PRPF19: variants seen among roughly 807,000 people sequenced by gnomAD.
PRPF19 encodes the protein pre-mRNA processing factor 19, also known as pre-mRNA-processing factor 19.
PRPF19 carries 2 observed loss-of-function variants against 64.2 expected under a neutral mutation model. That is an observed-to-expected ratio of 0.03 (90% CI 0.01 to 0.10). The LOEUF is 0.10. PRPF19 is among the 10% of genes least tolerant of loss of function. The pLI is 1.00. For missense variants in PRPF19, 314 were observed against 650.0 expected, an observed-to-expected ratio of 0.48 and a Z score of 5.62; for synonymous variants, 226 against 251.6, an observed-to-expected ratio of 0.90 and a Z score of 0.96.
Position 60,897,773 on chromosome 11 carries a change from T to C in PRPF19, c.1417+73A>G, listed in dbSNP as rs1855937583. ...GTAAATTCATGCAAGCCCTAGAAAT[T>C]CCTAACCCAGTGAGGCTTCCCTCCG... On this transcript the variant is annotated intron_variant, in intron 15 of 15. Coordinates refer to ENST00000227524, the MANE Select transcript of PRPF19 (RefSeq NM_014502.5). 7 of 1,298,242 alleles carry C rather than the reference T, an allele frequency of 5.4e-6. No individual in the cohort carries two copies. In the Admixed American group the frequency reaches 1.4e-4, roughly 26 times the overall value. 80.4% of individuals were successfully genotyped at this position (1,298,242 alleles called of 1,614,324 possible).
intron 15 of PRPF19, 71 bp from the exon 16 acceptor site, chr11:60,891,334 A>T: frequency 1.8e-6 from 2 of 1,135,474 alleles, no homozygotes; most frequent in Non-Finnish European, 2.6e-6. Context: ...ATCCCTAATA[A>T]CAGATTCCCA....
Position 60,906,413 on chromosome 11 carries a change from C to A in PRPF19, c.-31G>T. 6.4e-7 allele frequency: 1 copy of A among 1,552,864 alleles called. No homozygotes were observed. Among genetic ancestry groups the A allele is most frequent in the Non-Finnish European group, 8.7e-7 (1 of 1,151,350 alleles). ...CGTCACCGTGCTCCGAGGCGCCACA[C>A]GCCGGGCTCCGGGACTAGCTTCTGA... On this transcript the variant is annotated 5_prime_UTR_variant, in exon 1 of 16. Coordinates refer to ENST00000227524, the MANE Select transcript of PRPF19 (RefSeq NM_014502.5).
Position 60,902,335 on chromosome 11 carries a change from T to C in PRPF19, c.525+68A>G. ...AAAAGCACAGTGATTTTAGTCACGA[T>C]GGACTCCAGACAGATGGTGAAAAGT... On this transcript the variant is annotated intron_variant, in intron 6 of 15. Coordinates refer to ENST00000227524, the MANE Select transcript of PRPF19 (RefSeq NM_014502.5). The surrounding 1 kb of genome is among the most constrained non-coding windows in gnomAD (Gnocchi z 5.0). 6.5e-7 allele frequency: 1 copy of C among 1,528,094 alleles called. No individual in the cohort carries two copies. The highest frequency in any genetic ancestry group is 9.0e-7 in the Non-Finnish European group (1 of 1,105,086). The allele number at this position is 1,528,094 out of a possible 1,614,324, so 94.7% of individuals were successfully genotyped here.
chr11:60,893,270 TC>T (rs1174833620), intron 15 of PRPF19, among the ~76,000 whole-genome samples: 1 of 151,558 alleles, frequency 6.6e-6, no homozygotes, highest in Non-Finnish European at 1.5e-5. Context: ...GGTGGGCAGA[TC>T]ACGAGGTCAG....
intron 15 of PRPF19, among the ~76,000 whole-genome samples, chr11:60,893,739 GA>G (rs1381204790): frequency 6.6e-6 from 1 of 152,158 alleles, no homozygotes; most frequent in Admixed American, 6.5e-5. Context: ...TGGATCGCTT[GA>G]GTTCAGGAAT....
Position 60,891,101 on chromosome 11 carries a change from C to T in PRPF19, c.*65G>A, listed in dbSNP as rs1252987524. ...CCCCCATAGATTCCCCCCACCCCCC[C>T]CCCCAAACCCTAATTCTACCCCTCT... On this transcript the variant is annotated 3_prime_UTR_variant, in exon 16 of 16. Coordinates refer to ENST00000227524, the MANE Select transcript of PRPF19 (RefSeq NM_014502.5). The T allele has an allele frequency of 3.3e-4, 148 of 447,140 alleles. 5 individuals are homozygous for T. The East Asian group carries it at 6.4e-3, about 19-fold the overall frequency. The allele number at this position is 447,140 out of a possible 1,614,324, so 27.7% of individuals were successfully genotyped here. A position where few individuals can be genotyped will look rare whatever the true frequency, so the allele number is the denominator to read the frequency against.
rs763832101 is a variant in PRPF19, at chr11:60,897,909, G to A, written c.1354C>T (p.Leu452Phe). 1.2e-5 allele frequency: 20 copies of A among 1,613,992 alleles called. No individual in the cohort carries two copies. The South Asian group carries it at 2.1e-4, about 17-fold the overall frequency. ...TAGATCTGGACATCCGTGCCCCCAA[G>A]AGCCAGGTAGGTACCACTCTGGTCA... ...IFDQSGTYLA[L>F]GGTDVQIYIC... The change falls in exon 15 of 16, where the codon CTT becomes TTT. Residue 452 changes from leucine to phenylalanine, a missense_variant. By Grantham distance (22) the Leu-to-Phe change is conservative. Around this residue, in one of 7 missense-constraint regions of PRPF19, gnomAD observed 47 missense variants for 94.5 expected, o/e 0.50. Transcript: ENST00000227524.
chr11:60,901,594 C>A lies in PRPF19; in HGVS notation c.526-54G>T, dbSNP rs150922647. On this transcript the variant is annotated intron_variant, in intron 6 of 15. Transcript: ENST00000227524. ...AAATCATCTTGCAAGGAGAAAAGTA[C>A]ATTAGATGCTGGTCACACCTGTGCT... is the stretch of plus-strand genomic sequence containing the variant. The A allele has an allele frequency of 6.2e-6, 10 of 1,601,240 alleles. No homozygotes were observed. In the Admixed American group the frequency reaches 1.5e-4, roughly 24 times the overall value.
rs752566353 is a variant in PRPF19 at position 60,897,899 on chromosome 11, G to T, written c.1364C>A (p.Thr455Lys). 6.2e-7 allele frequency: 1 copy of T among 1,614,194 alleles called. No individual in the cohort carries two copies. The highest frequency in any genetic ancestry group is 1.1e-5 in the South Asian group (1 of 91,080). ...TTTGCAGATGTAGATCTGGACATCC[G>T]TGCCCCCAAGAGCCAGGTAGGTACC... Reference protein sequence around the residue: ...QSGTYLALGGTDVQIYICKQW... With the variant: ...QSGTYLALGGKDVQIYICKQW... Residue 455 changes from threonine to lysine, a missense_variant, in exon 15 of 16, where the codon ACG (threonine) becomes AAG (lysine). This residue lies in a region of PRPF19 where 47 missense variants were observed against 94.5 expected (regional missense o/e 0.50). Transcript: ENST00000227524.
intron 3 of PRPF19, among the ~76,000 whole-genome samples, chr11:60,903,232 G>C (rs1425760923): frequency 2.0e-5 from 3 of 152,170 alleles, no homozygotes; most frequent in Non-Finnish European, 4.4e-5. Context: ...CACTGTGCCA[G>C]ACAGTCCTGC....
intron 15 of PRPF19, among the ~76,000 whole-genome samples, chr11:60,893,182 C>T (rs1479577870): frequency 6.6e-6 from 1 of 152,196 alleles, no homozygotes; most frequent in Non-Finnish European, 1.5e-5. Context: ...AAATCTACTA[C>T]ACTGCCAGTT....
rs1856049415 is a variant in PRPF19, at chr11:60,906,445, G to A, written c.-63C>T. ...CTCCGGGACTAGCTTCTGAGCCTCC[G>A]CGAGCCACTTCCGGTCCCCCGCTGC... On this transcript the variant is annotated 5_prime_UTR_variant, in exon 1 of 16. Coordinates refer to ENST00000227524, the MANE Select transcript of PRPF19 (RefSeq NM_014502.5). 14 of 1,478,730 alleles carry A rather than the reference G, an allele frequency of 9.5e-6. No individual in the cohort carries two copies. Among genetic ancestry groups the A allele is most frequent in the Non-Finnish European group, 1.3e-5 (14 of 1,104,492 alleles). 91.6% of individuals were successfully genotyped at this position (1,478,730 alleles called of 1,614,324 possible).
At chr11:60,901,732 A>G (rs1855986251) in intron 6 of PRPF19, among the ~76,000 whole-genome samples, 192 bp from the exon 7 acceptor site, 1 of 152,174 alleles carries the variant, frequency 6.6e-6, no homozygotes, top group Non-Finnish European at 1.5e-5. Context: ...TGATGACCTT[A>G]TTTTACAGCT....
chr11:60,897,475 T>C (rs963764781), intron 15 of PRPF19: 13 of 191,654 alleles, frequency 6.8e-5, no homozygotes, highest in Non-Finnish European at 1.3e-4. Flanking sequence ...GCTTCAATCA[T>C]CTGACCCTTC....
At position 60,890,724 on chromosome 11, in the gene PRPF19, T is replaced by C. The variant is rs1035629483; in HGVS notation, c.*442A>G. 9 of 455,590 alleles carry C rather than the reference T, an allele frequency of 2.0e-5. No individual in the cohort carries two copies. Among genetic ancestry groups the C allele is most frequent in the Non-Finnish European group, 3.5e-5 (8 of 226,870 alleles). The allele number at this position is 455,590 out of a possible 1,614,324, so 28.2% of individuals were successfully genotyped here. A position where few individuals can be genotyped will look rare whatever the true frequency, so the allele number is the denominator to read the frequency against. Reference sequence around the variant, plus strand: ...GGTGCAGACAGACACGGGGAGGTGGTTATGGTTATTGTTTTCTTTTTTTAA... The same window carrying C: ...GGTGCAGACAGACACGGGGAGGTGGCTATGGTTATTGTTTTCTTTTTTTAA... On this transcript the variant is annotated 3_prime_UTR_variant, in exon 16 of 16. Coordinates refer to ENST00000227524, the MANE Select transcript of PRPF19 (RefSeq NM_014502.5).
chr11:60,905,808 C>T (rs542361682), intron 1 of PRPF19, among the ~76,000 whole-genome samples: 2 of 152,380 alleles, frequency 1.3e-5, no homozygotes, highest in East Asian at 3.9e-4. Flanking sequence ...TAAATGTGCG[C>T]TGTTTTTATT....
chr11:60,897,843 T>C lies in PRPF19; in HGVS notation c.1417+3A>G. On this transcript the variant is annotated splice_donor_region_variant and intron_variant, in intron 15 of 15. Coordinates refer to ENST00000227524, the MANE Select transcript of PRPF19 (RefSeq NM_014502.5). ...ATCCCAGGAGCCCAGGACCAGCCTC[T>C]ACCTGTAAAGTGAAGAATCTCCGTC... 1.2e-6 allele frequency: 2 copies of C among 1,613,718 alleles called. No homozygotes were observed. Among genetic ancestry groups the C allele is most frequent in the Non-Finnish European group, 1.7e-6 (2 of 1,179,630 alleles).
intron 15 of PRPF19, among the ~76,000 whole-genome samples, chr11:60,893,019 T>C (rs1486479883): frequency 6.6e-6 from 1 of 151,800 alleles, no homozygotes; most frequent in Non-Finnish European, 1.5e-5. Context: ...GAGTCATGTG[T>C]CACATAATGA....
intron 10 of PRPF19, 78 bp downstream of exon 10, chr11:60,900,504 C>T: frequency 8.3e-7 from 1 of 1,204,958 alleles, no homozygotes; most frequent in Non-Finnish European, 1.2e-6. Flanking sequence ...AGCCCCACTT[C>T]ACAGAGACAG....
Sources: gnomAD v4.1 joint callset for allele counts (sites outside exome capture counted in the v4.1 genomes callset) on GRCh38, gnomAD v4.1.1 for gene constraint, gnomAD v4.1.1 regional missense constraint, Gnocchi (gnomAD v3.1) non-coding constraint, MANE v1.5 for transcripts, NCBI Gene and HGNC (gene_info 2026-07-23, HGNC 2026-07-21) for gene names.